The following PTCHD4 variants were observed in gnomAD, a reference collection of about 807,000 sequenced individuals.
PTCHD4 encodes the protein patched domain containing 4, also known as patched domain-containing protein 4.
PTCHD4 carries 33 observed loss-of-function variants against 58.1 expected under a neutral mutation model. The observed-to-expected ratio is 0.57, with a 90% CI of 0.43 to 0.76. The LOEUF (loss-of-function observed/expected upper bound fraction) is 0.76. Ranked by LOEUF, PTCHD4 falls within the 30% of genes least tolerant of loss-of-function variation. The pLI, the probability that PTCHD4 is intolerant of heterozygous loss-of-function variation, is 0.00. For missense variants in PTCHD4, 1,058 were observed against 1,027.1 expected (o/e 1.03, Z -0.41); for synonymous variants, 478 against 409.6 (o/e 1.17, Z -2.02).
chr6:48,050,390 A>G (rs1764188278), intron 3 of PTCHD4, among the ~76,000 whole-genome samples: 4 of 151,982 alleles, frequency 2.6e-5, no homozygotes. Context: ...AAATATCAAA[A>G]ACAACTTTAG....
intron 3 of PTCHD4, among the ~76,000 whole-genome samples, chr6:48,051,771 A>C (rs1764242798): frequency 6.6e-6 from 1 of 152,030 alleles, no homozygotes; most frequent in South Asian, 2.1e-4. Flanking sequence ...TTGAAAAAGA[A>C]AACATTTATT....
chr6:48,076,824 C>G (rs1017845913), intron 1 of PTCHD4, among the ~76,000 whole-genome samples: 1 of 152,188 alleles, frequency 6.6e-6, no homozygotes. Flanking sequence ...TGTACAGAAA[C>G]AGCAAGATTT....
chr6:48,083,271 C>A (rs1438949975), intron 1 of PTCHD4, among the ~76,000 whole-genome samples: 1 of 151,596 alleles, frequency 6.6e-6, no homozygotes, highest in African/African-American at 2.4e-5. Flanking sequence ...ATATGGGTAA[C>A]TATATAACAA....
intron 1 of PTCHD4, among the ~76,000 whole-genome samples, chr6:48,081,528 G>T (rs556496979): frequency 1.3e-5 from 2 of 152,128 alleles, no homozygotes; most frequent in Admixed American, 1.3e-4. Flanking sequence ...CTAGCGTGAG[G>T]ATTAAGTGAA....
chr6:47,964,368 T>A (rs1379259951), intron 4 of PTCHD4, among the ~76,000 whole-genome samples: 1 of 152,178 alleles, frequency 6.6e-6, no homozygotes, highest in African/African-American at 2.4e-5. Flanking sequence ...GAACTCTACA[T>A]CTGTTGCAGC....
chr6:48,036,025 A>ATT (rs893102080), intron 3 of PTCHD4, among the ~76,000 whole-genome samples: 20 of 149,472 alleles, frequency 1.3e-4, no homozygotes, highest in African/African-American at 4.9e-4. Flanking sequence ...ATTGAATAAC[A>ATT]TTTTTTTTTT....
intron 1 of PTCHD4, among the ~76,000 whole-genome samples, chr6:48,109,234 A>G (rs1352130156): frequency 6.6e-6 from 1 of 152,168 alleles, no homozygotes; most frequent in East Asian, 1.9e-4. Flanking sequence ...AGCAAAGAAT[A>G]AAGATAAAAG....
At chr6:48,026,347 C>T (rs577600610) in intron 3 of PTCHD4, among the ~76,000 whole-genome samples, 6 of 152,130 alleles carry the variant, frequency 3.9e-5, no homozygotes, top group Admixed American at 2.6e-4. Context: ...CCCTTACTAA[C>T]GATATGTTTT....
intron 4 of PTCHD4, among the ~76,000 whole-genome samples, chr6:47,982,351 C>T (rs1340892526): frequency 3.3e-5 from 5 of 152,064 alleles, no homozygotes; most frequent in African/African-American, 1.2e-4. Context: ...TTCTCTGGGC[C>T]CTTCACGGTG....
intron 4 of PTCHD4, among the ~76,000 whole-genome samples, chr6:47,988,226 T>A (rs1181449942): frequency 6.6e-6 from 1 of 152,222 alleles, no homozygotes; most frequent in Non-Finnish European, 1.5e-5. Context: ...GTGACTAGAT[T>A]TGAAATGTTT....
chr6:47,962,564 G>A (rs1767137217), intron 4 of PTCHD4, among the ~76,000 whole-genome samples: 1 of 152,068 alleles, frequency 6.6e-6, no homozygotes, highest in Non-Finnish European at 1.5e-5. Flanking sequence ...AATCTCGTGA[G>A]GTTATAAGGG....
intron 4 of PTCHD4, among the ~76,000 whole-genome samples, chr6:47,898,055 C>T (rs1468145144): frequency 6.8e-6 from 1 of 146,722 alleles, no homozygotes; most frequent in Non-Finnish European, 1.5e-5. Context: ...AGCAATTCTC[C>T]TGCCGCAGCC....
intron 3 of PTCHD4, among the ~76,000 whole-genome samples, chr6:48,046,183 T>C (rs773784047): frequency 2.6e-5 from 4 of 151,884 alleles, no homozygotes; most frequent in Non-Finnish European, 4.4e-5. Context: ...AGCTAATTTT[T>C]AATGTCATTC....
chr6:48,027,439 G>C (rs1763287542), intron 3 of PTCHD4, among the ~76,000 whole-genome samples: 1 of 152,010 alleles, frequency 6.6e-6, no homozygotes, highest in Non-Finnish European at 1.5e-5. Flanking sequence ...GGCAAATAAG[G>C]TTAAAAATAG....
chr6:47,943,098 G>A (rs1766294225), intron 4 of PTCHD4, among the ~76,000 whole-genome samples: 1 of 152,056 alleles, frequency 6.6e-6, no homozygotes, highest in Admixed American at 6.6e-5. Context: ...GTTCTTTAGA[G>A]CATGCCCAAT....
At chr6:48,055,917 G>A (rs1171514330) in intron 3 of PTCHD4, among the ~76,000 whole-genome samples, 1 of 152,218 alleles carries the variant, frequency 6.6e-6, no homozygotes, top group Non-Finnish European at 1.5e-5. Context: ...CTGGGAAGAA[G>A]AAATGACAAG....
intron 3 of PTCHD4, among the ~76,000 whole-genome samples, chr6:48,037,470 A>G (rs576605484): frequency 1.3e-5 from 2 of 152,272 alleles, no homozygotes; most frequent in African/African-American, 4.8e-5. Flanking sequence ...AAACTCTAGA[A>G]GCCAAGGTTC....
chr6:48,079,927 A>G (rs1235186204), intron 1 of PTCHD4, among the ~76,000 whole-genome samples: 1 of 149,808 alleles, frequency 6.7e-6, no homozygotes, highest in Admixed American at 6.8e-5. Context: ...ATAGGAAAGA[A>G]CTAGTTGCTC....
chr6:48,049,362 T>C (rs1764152438), intron 3 of PTCHD4, among the ~76,000 whole-genome samples: 1 of 151,860 alleles, frequency 6.6e-6, no homozygotes, highest in South Asian at 2.1e-4. Flanking sequence ...AATATTGAAA[T>C]ACTTGAGGGT....
Sources: gnomAD v4.1 joint callset for allele counts (sites outside exome capture counted in the v4.1 genomes callset) on GRCh38, gnomAD v4.1.1 for gene constraint, MANE v1.5 for transcripts, NCBI Gene and HGNC (gene_info 2026-07-23, HGNC 2026-07-21) for gene names.